RPH3A: variants seen among roughly 807,000 people sequenced by gnomAD.
The protein encoded by RPH3A is rabphilin-3A.
A neutral mutation model predicts 102.2 loss-of-function variants in RPH3A; 48 were observed. The ratio of observed to expected loss-of-function variants is 0.47; its 90% confidence interval spans 0.37 to 0.60. RPH3A has a LOEUF of 0.60. Among genes scored for constraint, RPH3A ranks in the 20% least tolerant of loss-of-function variants. RPH3A has a pLI of 0.00. For synonymous variants in RPH3A, 310 were observed against 324.3 expected (o/e 0.96, Z 0.47); for missense variants, 781 against 910.1 (o/e 0.86, Z 1.83).
At chr12:112,666,360 T>G (rs912384671) in intron 1 of RPH3A, among the ~76,000 whole-genome samples, 8 of 152,062 alleles carry the variant, frequency 5.3e-5, no homozygotes, top group Non-Finnish European at 1.2e-4. Flanking sequence ...CATTCTGGAT[T>G]TTCTTCCCTG....
intron 1 of RPH3A, among the ~76,000 whole-genome samples, chr12:112,627,730 G>A (rs1233641362): frequency 6.6e-6 from 1 of 152,022 alleles, no homozygotes; most frequent in Non-Finnish European, 1.5e-5. Flanking sequence ...CTGTGGATGA[G>A]GTTTGGGTAT....
chr12:112,693,793 G>A (rs1212337002), intron 1 of RPH3A, among the ~76,000 whole-genome samples: 2 of 152,102 alleles, frequency 1.3e-5, no homozygotes, highest in South Asian at 2.1e-4. Flanking sequence ...AATGCTTACT[G>A]CCACCTAAAA....
chr12:112,586,171 G>A (rs562320955), intron 1 of RPH3A, among the ~76,000 whole-genome samples: 1 of 152,300 alleles, frequency 6.6e-6, no homozygotes, highest in South Asian at 2.1e-4. Context: ...TCTACCCTGT[G>A]CTGTGCCCTC....
chr12:112,735,463 C>G (rs766725112), intron 1 of RPH3A, among the ~76,000 whole-genome samples: 1 of 152,238 alleles, frequency 6.6e-6, no homozygotes, highest in South Asian at 2.1e-4. Flanking sequence ...AAAGCCTCTT[C>G]CAGATAAAAA....
Position 112,687,047 on chromosome 12 carries a change from C to T in RPH3A, c.-139-105096C>T, listed in dbSNP as rs568872550. ...GGAGGATGGCTTGAGCCCAGGAGTT[C>T]GGGGGTGCAGTGAACTACGATTGCA... On this transcript the variant is annotated intron_variant, in intron 1 of 21. Coordinates refer to the RPH3A transcript ENST00000543106. 4.6e-5 allele frequency among the ~76,000 whole-genome samples: 7 copies of T among 152,204 alleles called. No homozygotes were observed. The South Asian group carries it at 6.2e-4, about 14-fold the overall frequency.
chr12:112,824,415 G>A lies in RPH3A; in HGVS notation c.-18-3886G>A, dbSNP rs1364685588. Among the ~76,000 whole-genome samples, 6 of 152,128 alleles carry A rather than the reference G, an allele frequency of 3.9e-5. No homozygotes were observed. In the East Asian group the frequency reaches 9.6e-4, roughly 24 times the overall value. On this transcript the variant is annotated intron_variant, in intron 2 of 21. Transcript: ENST00000389385. ...TTCATGGCTAACACTCCTAGAGGCT[G>A]GGATTGGGAGGATGCACCAGCTGTA...
At chr12:112,818,830 A>C (rs1267030799) in intron 2 of RPH3A, among the ~76,000 whole-genome samples, 1 of 152,160 alleles carries the variant, frequency 6.6e-6, no homozygotes, top group East Asian at 1.9e-4. Context: ...TCTACCCTAG[A>C]GATCCACTGC....
intron 1 of RPH3A, among the ~76,000 whole-genome samples, chr12:112,722,583 C>T (rs2040558634): frequency 6.6e-6 from 1 of 152,162 alleles, no homozygotes; most frequent in African/African-American, 2.4e-5. Flanking sequence ...CATGAGTGGC[C>T]AGTGAAATGT....
At chr12:112,863,292 G>A (rs1244822354) in intron 5 of RPH3A, among the ~76,000 whole-genome samples, 1 of 152,168 alleles carries the variant, frequency 6.6e-6, no homozygotes, top group African/African-American at 2.4e-5. Flanking sequence ...CTAGGGTCAT[G>A]CGTATGAAGC....
At chr12:112,614,314 C>T (rs2039660629) in intron 1 of RPH3A, among the ~76,000 whole-genome samples, 1 of 152,116 alleles carries the variant, frequency 6.6e-6, no homozygotes, top group African/African-American at 2.4e-5. Context: ...TCAATTCCAT[C>T]ATCTGTGAAA....
intron 5 of RPH3A, among the ~76,000 whole-genome samples, chr12:112,859,546 A>G (rs1181945325): frequency 6.6e-6 from 1 of 152,178 alleles, no homozygotes; most frequent in Non-Finnish European, 1.5e-5. Flanking sequence ...GTATATATAC[A>G]TATTTGAGTG....
In RPH3A at chr12:112,626,558, A is replaced by G. The variant is rs2039768264; in HGVS notation, c.-140+51239A>G. Reference sequence around the variant, plus strand: ...GGCAATCATTAAAAAGTCAGGAAACAACAGGTGCTGGAGAGGATATGGAGA... The same window carrying G: ...GGCAATCATTAAAAAGTCAGGAAACGACAGGTGCTGGAGAGGATATGGAGA... On this transcript the variant is annotated intron_variant, in intron 1 of 21. Coordinates refer to the RPH3A transcript ENST00000543106. Among the ~76,000 whole-genome samples, 3 of 147,496 alleles carry G rather than the reference A, an allele frequency of 2.0e-5. No homozygotes were observed. The South Asian group carries it at 6.7e-4, about 33-fold the overall frequency.
chr12:112,844,542 G>A (rs2042199705), intron 4 of RPH3A, among the ~76,000 whole-genome samples: 1 of 152,172 alleles, frequency 6.6e-6, no homozygotes, highest in Admixed American at 6.5e-5. Context: ...GTGAAATCCT[G>A]AGCAGAAGAC....
chr12:112,789,887 CAAAAAAAAAAA>C (rs144494791), upstream of RPH3A, among the ~76,000 whole-genome samples: 1 of 70,790 alleles, frequency 1.4e-5, no homozygotes, highest in Non-Finnish European at 3.2e-5. Flanking sequence ...CCCATCTCTG[CAAAAAAAAAAA>C]AAAAAAAAAA....
chr12:112,619,294 G>T (rs1035032171), intron 1 of RPH3A, among the ~76,000 whole-genome samples: 1 of 142,304 alleles, frequency 7.0e-6, no homozygotes, highest in Non-Finnish European at 1.5e-5. Flanking sequence ...GTGTGTGTGT[G>T]TGTGTTTTGA....
At chr12:112,813,267 A>C (rs1316167982) in intron 2 of RPH3A, 1 of 152,214 alleles carries the variant, frequency 6.6e-6, no homozygotes, top group Non-Finnish European at 1.5e-5. Context: ...AGGGCTTTGT[A>C]AATTGCAGAG....
intron 1 of RPH3A, among the ~76,000 whole-genome samples, chr12:112,635,145 C>G (rs1458860009): frequency 6.6e-6 from 1 of 152,184 alleles, no homozygotes; most frequent in Non-Finnish European, 1.5e-5. Flanking sequence ...CATATGGTTT[C>G]CGTTTCAACT....
At chr12:112,891,115 CA>C in intron 19 of RPH3A, 112 bp downstream of exon 19, 1 of 1,251,248 alleles carries the variant, frequency 8.0e-7, no homozygotes, top group Non-Finnish European at 1.1e-6. Context: ...CCAGAGAGGG[CA>C]AGGAACCTGC....
chr12:112,612,011 T>C (rs2039642439), intron 1 of RPH3A, among the ~76,000 whole-genome samples: 1 of 152,166 alleles, frequency 6.6e-6, no homozygotes, highest in African/African-American at 2.4e-5. Context: ...TCCTCTGATC[T>C]TGTGTGGCAT....
Sources: allele counts gnomAD v4.1 joint callset (sites outside exome capture counted in the v4.1 genomes callset), GRCh38; gene constraint gnomAD v4.1.1; transcripts MANE v1.5; gene names NCBI Gene and HGNC (gene_info 2026-07-23, HGNC 2026-07-21).